Variants in SMOC2 observed in about 807,000 individuals in gnomAD.
SMOC2 encodes SPARC-related modular calcium-binding protein 2.
Under a neutral mutation model 61.4 loss-of-function variants are expected in SMOC2, and 39 were observed. The observed-to-expected ratio is 0.64, with a 90% CI of 0.49 to 0.83. The LOEUF (loss-of-function observed/expected upper bound fraction) is 0.83. Ranked by LOEUF, SMOC2 falls within the 40% of genes least tolerant of loss-of-function variation. The probability of loss-of-function intolerance (pLI) is 0.00; values close to 1 mark genes in which losing one functional copy is unlikely to be tolerated. For missense variants in SMOC2, 556 were observed against 592.9 expected (o/e 0.94, Z 0.65); for synonymous variants, 247 against 239.9 (o/e 1.03, Z -0.27).
intron 11 of SMOC2, among the ~76,000 whole-genome samples, chr6:168,663,358 G>A (rs1021802911): frequency 6.6e-6 from 1 of 152,190 alleles, no homozygotes; most frequent in Non-Finnish European, 1.5e-5. Flanking sequence ...AAACTATTTT[G>A]AGCCAAACAC....
chr6:168,613,653 C>A (rs2115214491), intron 9 of SMOC2, among the ~76,000 whole-genome samples: 1 of 150,002 alleles, frequency 6.7e-6, no homozygotes, highest in Middle Eastern at 3.5e-3. Context: ...ACAGCCAGCA[C>A]ATGGAGCCTC....
rs182316347 is a variant in SMOC2 at position 168,526,025 on chromosome 6, C to T, written c.257-321C>T. ...CTGGCGTTTCCCCATTTTCAGGAAGCAGGGGCCACCTGTTTCCCCAGGGAT... is the reference window on the plus strand; with the variant it reads ...CTGGCGTTTCCCCATTTTCAGGAAGTAGGGGCCACCTGTTTCCCCAGGGAT... On this transcript the variant is annotated intron_variant, in intron 2 of 12. Transcript: ENST00000356284. 4.9e-3 allele frequency among the ~76,000 whole-genome samples: 751 copies of T among 152,324 alleles called. 7 individuals are homozygous for T. Among genetic ancestry groups the T allele is most frequent in the African/African-American group, 0.017 (701 of 41,552 alleles).
chr6:168,577,811 G>A (rs7762332), intron 7 of SMOC2, among the ~76,000 whole-genome samples: 17,390 of 152,182 alleles, frequency 0.11, 1,165 homozygotes, highest in African/African-American at 0.17. Context: ...CATGGGGCCT[G>A]GAGGTGGCCA....
At chr6:168,611,676 T>C (rs13198596) in intron 9 of SMOC2, among the ~76,000 whole-genome samples, 5 of 146,470 alleles carry the variant, frequency 3.4e-5, no homozygotes, top group Non-Finnish European at 7.5e-5. Flanking sequence ...CTCCCATGTC[T>C]GGCCCTGCTC....
chr6:168,607,706 G>T (rs936382782), intron 8 of SMOC2, among the ~76,000 whole-genome samples: 2 of 151,858 alleles, frequency 1.3e-5, no homozygotes, highest in East Asian at 1.9e-4. Flanking sequence ...TTCCTTGGGC[G>T]GGGTGGGGGT....
intron 1 of SMOC2, among the ~76,000 whole-genome samples, chr6:168,481,876 A>G (rs890716156): frequency 3.3e-5 from 5 of 151,988 alleles, no homozygotes; most frequent in African/African-American, 1.2e-4. Context: ...AAGTAACCAA[A>G]AACTTAGGAA....
chr6:168,566,712 G>T lies in SMOC2; in HGVS notation c.637+17509G>T, dbSNP rs549108769. Among the ~76,000 whole-genome samples, 11 of 152,074 alleles carry T rather than the reference G, an allele frequency of 7.2e-5. No homozygotes were observed. The South Asian group carries it at 2.3e-3, about 32-fold the overall frequency. On this transcript the variant is annotated intron_variant, in intron 7 of 12. Transcript: ENST00000356284. ...TATTTTGTATTTTTGTGTTTGCCAG[G>T]ATGATCTTGATCTCTTGACCTCATG...
intron 9 of SMOC2, among the ~76,000 whole-genome samples, chr6:168,644,651 T>C (rs1355442011): frequency 1.5e-5 from 2 of 137,638 alleles, no homozygotes; most frequent in South Asian, 2.4e-4. Context: ...TTTCTTTTTT[T>C]TTTTTTTTTT....
At chr6:168,446,157 G>A (rs577909118) in intron 1 of SMOC2, among the ~76,000 whole-genome samples, 30 of 152,350 alleles carry the variant, frequency 2.0e-4, no homozygotes, top group Non-Finnish European at 2.9e-4. Context: ...GAGGTCAGGA[G>A]TTCAAGACCA....
chr6:168,618,167 A>G (rs1583164836), intron 9 of SMOC2, among the ~76,000 whole-genome samples: 1 of 152,270 alleles, frequency 6.6e-6, no homozygotes, highest in East Asian at 1.9e-4. Context: ...TTGCTGTGCT[A>G]TCACCACGAT....
intron 2 of SMOC2, among the ~76,000 whole-genome samples, chr6:168,525,908 C>G (rs907559957): frequency 2.0e-5 from 3 of 152,196 alleles, no homozygotes; most frequent in African/African-American, 7.2e-5. Context: ...GGCATCTAGC[C>G]CTGCCCACCC....
chr6:168,523,554 A>AT (rs55889954), intron 2 of SMOC2, among the ~76,000 whole-genome samples: 27,803 of 146,902 alleles, frequency 0.19, 2,771 homozygotes, highest in Admixed American at 0.24. Context: ...TGCCTGGCTA[A>AT]TTTTTTTTTT....
chr6:168,487,597 T>C (rs1235439313), intron 1 of SMOC2, among the ~76,000 whole-genome samples: 3 of 152,154 alleles, frequency 2.0e-5, no homozygotes, highest in Non-Finnish European at 4.4e-5. Flanking sequence ...CTCCATCTCC[T>C]GGATTGAAGC....
At chr6:168,494,021 T>G (rs1270148337) in intron 1 of SMOC2, among the ~76,000 whole-genome samples, 1 of 152,230 alleles carries the variant, frequency 6.6e-6, no homozygotes, top group Non-Finnish European at 1.5e-5. Flanking sequence ...ATCATTCCGA[T>G]GCCATTGGAA....
At chr6:168,478,075 A>T (rs866022154) in intron 1 of SMOC2, among the ~76,000 whole-genome samples, 1 of 152,184 alleles carries the variant, frequency 6.6e-6, no homozygotes, top group Non-Finnish European at 1.5e-5. Context: ...CCATGCTCTG[A>T]CAGTCCCTTT....
intron 9 of SMOC2, among the ~76,000 whole-genome samples, chr6:168,648,892 G>A (rs757680134): frequency 6.6e-6 from 1 of 152,164 alleles, no homozygotes; most frequent in Admixed American, 6.5e-5. Flanking sequence ...GTCCCTAACT[G>A]CATAAACAGG....
intron 1 of SMOC2, among the ~76,000 whole-genome samples, chr6:168,477,417 A>C (rs188870968): frequency 6.6e-6 from 1 of 152,318 alleles, no homozygotes; most frequent in African/African-American, 2.4e-5. Flanking sequence ...GAGTCATTAC[A>C]TGTGTGTTTA....
chr6:168,607,217 G>A (rs181833242), intron 8 of SMOC2, among the ~76,000 whole-genome samples: 1 of 152,150 alleles, frequency 6.6e-6, no homozygotes, highest in East Asian at 1.9e-4. Context: ...GGTTCTCATG[G>A]TGGCCCGCAC....
intron 2 of SMOC2, among the ~76,000 whole-genome samples, chr6:168,511,122 A>G (rs1293641244): frequency 6.6e-6 from 1 of 152,240 alleles, no homozygotes; most frequent in African/African-American, 2.4e-5. Context: ...TGAAAAGATA[A>G]GTATATAAAT....
Sources: gnomAD v4.1 joint callset for allele counts (sites outside exome capture counted in the v4.1 genomes callset) on GRCh38, gnomAD v4.1.1 for gene constraint, MANE v1.5 for transcripts, NCBI Gene and HGNC (gene_info 2026-07-23, HGNC 2026-07-21) for gene names.